The following LRP1B variants were observed in gnomAD, a reference collection of about 807,000 sequenced individuals.
LRP1B encodes the protein LDL receptor related protein 1B, also known as low-density lipoprotein receptor-related protein 1B.
LRP1B carries 217 observed loss-of-function variants against 556.6 expected under a neutral mutation model. The ratio of observed to expected loss-of-function variants is 0.39; its 90% CI spans 0.35 to 0.44. The LOEUF is 0.44. LRP1B is among the 20% of genes least tolerant of loss of function. The probability of loss-of-function intolerance (pLI) is 1.00; values close to 1 mark genes in which losing one functional copy is unlikely to be tolerated. For synonymous variants in LRP1B, 2,047 were observed against 1,865.8 expected, an observed-to-expected ratio of 1.10 and a Z score of -2.50; for missense variants, 5,053 against 5,620.8, an observed-to-expected ratio of 0.90 and a Z score of 3.23.
At chr2:141,619,980 G>A (rs1416282239) in intron 2 of LRP1B, among the ~76,000 whole-genome samples, 1 of 152,138 alleles carries the variant, frequency 6.6e-6, no homozygotes, top group Admixed American at 6.6e-5. Context: ...TAGAGACAAG[G>A]TCTCACTCTG....
chr2:142,115,474 A>ATATATATTATATAT (rs1707155798), intron 1 of LRP1B, among the ~76,000 whole-genome samples: 1 of 63,722 alleles, frequency 1.6e-5, no homozygotes, highest in Non-Finnish European at 3.5e-5. Context: ...TATATATTAC[A>ATATATATTATATAT]TACATATAAT....
At chr2:140,954,321 A>C (rs1425951956) in intron 18 of LRP1B, among the ~76,000 whole-genome samples, 3 of 152,162 alleles carry the variant, frequency 2.0e-5, no homozygotes, top group African/African-American at 7.2e-5. Context: ...AATCAACTCA[A>C]GTTTTGGTTC....
In LRP1B at chr2:141,822,130, C is replaced by CACAGAGAGAG. The variant is rs374369026; in HGVS notation, c.83-11730_83-11729insCTCTCTCTGT. Among the ~76,000 whole-genome samples the CACAGAGAGAG allele has an allele frequency of 4.4e-4, 42 of 95,890 alleles. 1 individual carries two copies. Among genetic ancestry groups the CACAGAGAGAG allele is most frequent in the African/African-American group, 1.8e-3 (41 of 22,416 alleles). The allele number at this position is 95,890 out of a possible 152,430, so 62.9% of individuals were successfully genotyped here. On this transcript the variant is annotated intron_variant, in intron 1 of 90. Transcript: ENST00000389484. Reference sequence around the variant, plus strand: ...ACACACACACACACACACACACACACAGAGAGAGAGAGAGAGAGAGAGAGA... The same window carrying CACAGAGAGAG: ...ACACACACACACACACACACACACACACAGAGAGAGAGAGAGAGAGAGAGAGAGAGAGAGA...
intron 1 of LRP1B, among the ~76,000 whole-genome samples, chr2:141,828,010 T>C (rs1229650191): frequency 6.6e-6 from 1 of 152,002 alleles, no homozygotes; most frequent in Non-Finnish European, 1.5e-5. Flanking sequence ...CAACATTATA[T>C]AGCCAGTATT....
intron 25 of LRP1B, among the ~76,000 whole-genome samples, chr2:140,879,106 A>G (rs1047612042): frequency 1.3e-5 from 2 of 152,188 alleles, no homozygotes; most frequent in African/African-American, 4.8e-5. Flanking sequence ...AGATGTAGAT[A>G]AGGCTGTACT....
intron 3 of LRP1B, among the ~76,000 whole-genome samples, chr2:141,297,537 G>A (rs1355625025): frequency 6.6e-6 from 1 of 152,038 alleles, no homozygotes; most frequent in Non-Finnish European, 1.5e-5. Flanking sequence ...CAACATTACT[G>A]AAACTGATTT....
intron 7 of LRP1B, among the ~76,000 whole-genome samples, chr2:141,148,428 G>A (rs1192512861): frequency 6.6e-6 from 1 of 152,188 alleles, no homozygotes; most frequent in Admixed American, 6.6e-5. Flanking sequence ...AAGACGTTTT[G>A]TTGGTGGAAA....
At chr2:141,611,934 T>A (rs947953327) in intron 2 of LRP1B, among the ~76,000 whole-genome samples, 1 of 152,216 alleles carries the variant, frequency 6.6e-6, no homozygotes. Context: ...AGCTTCTGGA[T>A]AATTATCAGC....
At chr2:141,473,266 C>T (rs998780292) in intron 3 of LRP1B, among the ~76,000 whole-genome samples, 4 of 152,106 alleles carry the variant, frequency 2.6e-5, no homozygotes, top group Non-Finnish European at 4.4e-5. Context: ...TGTGTATATA[C>T]GTTTATATAT....
chr2:141,763,711 TAGTC>T (rs1201770180), intron 2 of LRP1B, among the ~76,000 whole-genome samples: 1 of 152,112 alleles, frequency 6.6e-6, no homozygotes, highest in Non-Finnish European at 1.5e-5. Context: ...CTTAAAGAAA[TAGTC>T]AGATGCAGAA....
chr2:140,373,502 T>G (rs1683084992), intron 68 of LRP1B, among the ~76,000 whole-genome samples: 2 of 152,202 alleles, frequency 1.3e-5, no homozygotes, highest in South Asian at 2.1e-4. Flanking sequence ...AAAAAAAAAT[T>G]TTATGGCTTC....
chr2:141,789,906 T>C (rs1440824074), intron 2 of LRP1B, among the ~76,000 whole-genome samples: 1 of 152,032 alleles, frequency 6.6e-6, no homozygotes, highest in African/African-American at 2.4e-5. Flanking sequence ...CATTTTTCCC[T>C]TTTATTGATG....
chr2:141,933,741 T>C (rs1445063614), intron 1 of LRP1B, among the ~76,000 whole-genome samples: 2 of 152,096 alleles, frequency 1.3e-5, no homozygotes, highest in Non-Finnish European at 2.9e-5. Context: ...AAGTAAAAAC[T>C]CAAGCTAACA....
chr2:140,426,353 A>T (rs1383034276), intron 66 of LRP1B, among the ~76,000 whole-genome samples: 1 of 152,164 alleles, frequency 6.6e-6, no homozygotes, highest in Non-Finnish European at 1.5e-5. Context: ...GTATGCAGTA[A>T]TTATCAATTT....
chr2:141,491,631 CAG>C (rs1683338252), intron 2 of LRP1B, among the ~76,000 whole-genome samples: 1 of 152,072 alleles, frequency 6.6e-6, no homozygotes, highest in African/African-American at 2.4e-5. Context: ...AAGCCAAAAT[CAG>C]AGAGTTCCAC....
intron 3 of LRP1B, among the ~76,000 whole-genome samples, chr2:141,291,628 A>G (rs34239933): frequency 6.6e-6 from 1 of 151,978 alleles, no homozygotes; most frequent in South Asian, 2.1e-4. Flanking sequence ...AGGCCGAGGC[A>G]GGCGGATCAC....
At chr2:140,304,915 C>T (rs1023380309) in intron 83 of LRP1B, among the ~76,000 whole-genome samples, 3 of 152,090 alleles carry the variant, frequency 2.0e-5, no homozygotes, top group Admixed American at 1.3e-4. Context: ...AATAGGGAAT[C>T]CTTTCCCCAT....
intron 1 of LRP1B, among the ~76,000 whole-genome samples, chr2:142,120,151 G>A (rs917686927): frequency 1.3e-5 from 2 of 152,034 alleles, no homozygotes; most frequent in African/African-American, 4.8e-5. Context: ...AGTCTCAGTT[G>A]CTCAGGTTGG....
intron 83 of LRP1B, among the ~76,000 whole-genome samples, chr2:140,310,374 C>A (rs1684245093): frequency 6.7e-6 from 1 of 148,874 alleles, no homozygotes; most frequent in East Asian, 2.0e-4. Context: ...TGCCATTTTT[C>A]CCAGAATTAG....
Sources: gnomAD v4.1 joint callset for allele counts (sites outside exome capture counted in the v4.1 genomes callset) on GRCh38, gnomAD v4.1.1 for gene constraint, MANE v1.5 for transcripts, NCBI Gene and HGNC (gene_info 2026-07-23, HGNC 2026-07-21) for gene names.